SLC24A2: variants seen among roughly 807,000 people sequenced by gnomAD.
The protein encoded by SLC24A2 is sodium/potassium/calcium exchanger 2.
Under a neutral mutation model 62.0 loss-of-function variants are expected in SLC24A2, and 36 were observed. That is an observed-to-expected ratio of 0.58 (90% CI 0.44 to 0.77). The LOEUF (loss-of-function observed/expected upper bound fraction) is 0.77. SLC24A2 is among the 30% of genes least tolerant of loss of function. SLC24A2 has a pLI of 0.00. For synonymous variants in SLC24A2, 358 were observed against 294.0 expected, an observed-to-expected ratio of 1.22 and a Z score of -2.23; for missense variants, 846 against 817.9, an observed-to-expected ratio of 1.03 and a Z score of -0.42.
At chr9:19,789,495 G>C (rs1823278990), upstream of SLC24A2, among the ~76,000 whole-genome samples, 1 of 152,216 alleles carries the variant, frequency 6.6e-6, no homozygotes, top group African/African-American at 2.4e-5. Flanking sequence ...TTGAGTGTTG[G>C]ATTTGGATGC....
chr9:19,641,769 G>A (rs1237987661), intron 2 of SLC24A2, among the ~76,000 whole-genome samples: 2 of 152,094 alleles, frequency 1.3e-5, no homozygotes, highest in African/African-American at 4.8e-5. Context: ...ACATTTACTG[G>A]AAATTATGTC....
At chr9:19,951,487 T>C in the SLC24A2 span, among the ~76,000 whole-genome samples, 1 of 152,174 alleles carries the variant, frequency 6.6e-6, no homozygotes, top group East Asian at 1.9e-4. Context: ...ATTTACAGTT[T>C]TAGTTCTTAT....
chr9:20,089,282 G>A, the SLC24A2 span, among the ~76,000 whole-genome samples: 41 of 152,132 alleles, frequency 2.7e-4, no homozygotes, highest in African/African-American at 5.1e-4. Context: ...TCCCGGTCCC[G>A]GTCCACACTT....
At chr9:19,634,800 T>TA (rs929734328) in intron 2 of SLC24A2, among the ~76,000 whole-genome samples, 44 of 152,328 alleles carry the variant, frequency 2.9e-4, no homozygotes, top group African/African-American at 9.6e-4. Flanking sequence ...GTACATAATT[T>TA]AAAAAATAAG....
chr9:19,813,506 A>G, the SLC24A2 span, among the ~76,000 whole-genome samples: 4 of 151,438 alleles, frequency 2.6e-5, no homozygotes. Flanking sequence ...TTTGGTAGAG[A>G]AGGGGTTTTG....
the SLC24A2 span, among the ~76,000 whole-genome samples, chr9:20,242,778 T>C: frequency 6.6e-6 from 1 of 152,220 alleles, no homozygotes; most frequent in Non-Finnish European, 1.5e-5. Context: ...CATTAATGGC[T>C]TTGTCATTTG....
intron 7 of SLC24A2, among the ~76,000 whole-genome samples, chr9:19,564,485 A>T (rs1835567479): frequency 6.6e-6 from 1 of 152,188 alleles, no homozygotes; most frequent in African/African-American, 2.4e-5. Flanking sequence ...AATCACTTGC[A>T]TATTACACAT....
At chr9:19,546,625 G>T (rs534371415) in intron 8 of SLC24A2, among the ~76,000 whole-genome samples, 3 of 152,100 alleles carry the variant, frequency 2.0e-5, no homozygotes, top group Non-Finnish European at 4.4e-5. Context: ...GCTGGACTCC[G>T]TGGGGGTTGG....
intron 2 of SLC24A2, among the ~76,000 whole-genome samples, chr9:19,720,899 T>C (rs1236120956): frequency 2.7e-5 from 4 of 150,648 alleles, no homozygotes; most frequent in Admixed American, 1.3e-4. Flanking sequence ...TCTAAAAGCT[T>C]CTACCAGCAT....
At chr9:20,103,163 C>G in the SLC24A2 span, among the ~76,000 whole-genome samples, 2 of 152,206 alleles carry the variant, frequency 1.3e-5, no homozygotes, top group African/African-American at 2.4e-5. Flanking sequence ...CCACCATTGC[C>G]CAGGCTTGCT....
intron 2 of SLC24A2, among the ~76,000 whole-genome samples, chr9:19,627,858 A>C (rs1386928884): frequency 6.6e-6 from 1 of 152,190 alleles, no homozygotes; most frequent in African/African-American, 2.4e-5. Flanking sequence ...TCTATGTGCT[A>C]CTGGCAACCA....
chr9:19,969,404 T>G, the SLC24A2 span, among the ~76,000 whole-genome samples: 2 of 152,186 alleles, frequency 1.3e-5, no homozygotes, highest in African/African-American at 4.8e-5. Context: ...AGTCTCACTA[T>G]CTCTCTGAAA....
At chr9:19,953,867 A>T in the SLC24A2 span, among the ~76,000 whole-genome samples, 12 of 151,972 alleles carry the variant, frequency 7.9e-5, no homozygotes, top group Non-Finnish European at 1.3e-4. Context: ...CAAAGATATG[A>T]TGTTATCAAA....
At chr9:19,718,458 A>ATTTTTTTTTTTTTTTTTT (rs58736549) in intron 2 of SLC24A2, among the ~76,000 whole-genome samples, 1 of 99,798 alleles carries the variant, frequency 1.0e-5, no homozygotes, top group African/African-American at 4.5e-5. Flanking sequence ...ATGCCTGGCT[A>ATTTTTTTTTTTTTTTTTT]TTTTTTTTTT....
At chr9:20,034,888 A>T in the SLC24A2 span, among the ~76,000 whole-genome samples, 1 of 152,210 alleles carries the variant, frequency 6.6e-6, no homozygotes, top group South Asian at 2.1e-4. Flanking sequence ...CTTATATTAC[A>T]AAATTACATT....
chr9:19,850,942 TATAC>T, the SLC24A2 span, among the ~76,000 whole-genome samples: 1 of 29,096 alleles, frequency 3.4e-5, no homozygotes, highest in Non-Finnish European at 7.0e-5. Context: ...CATATATATA[TATAC>T]ATATATATAT....
intron 7 of SLC24A2, among the ~76,000 whole-genome samples, chr9:19,566,578 G>A (rs1305116811): frequency 2.0e-5 from 3 of 152,076 alleles, no homozygotes; most frequent in African/African-American, 4.8e-5. Context: ...TCTAGAACTA[G>A]AAATACCATT....
the SLC24A2 span, among the ~76,000 whole-genome samples, chr9:20,250,884 T>C: frequency 6.6e-6 from 1 of 152,154 alleles, no homozygotes; most frequent in South Asian, 2.1e-4. Flanking sequence ...TCCTTCCCAT[T>C]CTCTGAATTC....
At chr9:19,911,191 G>C in the SLC24A2 span, among the ~76,000 whole-genome samples, 5 of 151,304 alleles carry the variant, frequency 3.3e-5, no homozygotes, top group African/African-American at 1.2e-4. Context: ...CCTTGCGATA[G>C]TTTACTGAGA....
Sources: allele counts gnomAD v4.1 joint callset (sites outside exome capture counted in the v4.1 genomes callset), GRCh38; gene constraint gnomAD v4.1.1; transcripts MANE v1.5; gene names NCBI Gene and HGNC (gene_info 2026-07-23, HGNC 2026-07-21).